ARHGAP17: variants seen among roughly 807,000 people sequenced by gnomAD.
ARHGAP17 encodes rho GTPase-activating protein 17.
Under a neutral mutation model 99.5 loss-of-function variants are expected in ARHGAP17, and 57 were observed. That is an observed-to-expected ratio of 0.57 (90% CI 0.46 to 0.71). ARHGAP17 has a LOEUF of 0.71. Among genes scored for constraint, ARHGAP17 ranks in the 30% least tolerant of loss-of-function variants. The pLI is 0.00. For synonymous variants in ARHGAP17, 417 were observed against 429.6 expected (o/e 0.97, Z 0.36); for missense variants, 1,000 against 1,122.4 (o/e 0.89, Z 1.56).
intron 1 of ARHGAP17, among the ~76,000 whole-genome samples, chr16:25,007,654 C>T (rs1418036583): frequency 6.6e-6 from 1 of 152,236 alleles, no homozygotes; most frequent in Non-Finnish European, 1.5e-5. Context: ...GCATGGGCCA[C>T]TGCACCCGGC....
At chr16:25,009,858 G>A (rs933866117) in intron 1 of ARHGAP17, among the ~76,000 whole-genome samples, 52 of 152,234 alleles carry the variant, frequency 3.4e-4, no homozygotes, top group Non-Finnish European at 5.0e-4. Context: ...AGAATGCAAT[G>A]AAATAAAAGT....
At position 24,959,912 on chromosome 16, in the gene ARHGAP17, G is replaced by A. The variant is rs746155178; in HGVS notation, c.641C>T (p.Thr214Met). The change falls in exon 8 of 20, where the codon ACG becomes ATG. Residue 214 changes from threonine (T) to methionine (M), a missense_variant and splice_region_variant. Thr to Met is a moderately conservative substitution (Grantham distance 81). Around this residue, in one of 2 missense-constraint regions of ARHGAP17, gnomAD observed 472 missense variants for 611.1 expected, o/e 0.77. Coordinates refer to ENST00000289968, the MANE Select transcript of ARHGAP17 (RefSeq NM_001006634.3). ...KEGEYGKFFV[T>M]LLEAQADYHR... ...ATTTTCTCAAGGGAAGGTGCTTACC[G>A]TAACAAAGAATTTGCCATACTCCCC... 2.1e-5 allele frequency: 34 copies of A among 1,613,774 alleles called. No individual in the cohort carries two copies. Among genetic ancestry groups the A allele is most frequent in the Non-Finnish European group, 2.5e-5 (30 of 1,179,874 alleles).
intron 1 of ARHGAP17, among the ~76,000 whole-genome samples, chr16:24,983,143 T>C (rs555716021): frequency 1.3e-5 from 2 of 149,906 alleles, no homozygotes; most frequent in South Asian, 4.2e-4. Flanking sequence ...TAGCTGAGAC[T>C]ACAGGCATAC....
At chr16:24,943,190 G>A (rs1419321018) in intron 15 of ARHGAP17, among the ~76,000 whole-genome samples, 2 of 152,226 alleles carry the variant, frequency 1.3e-5, no homozygotes, top group Non-Finnish European at 2.9e-5. Flanking sequence ...ATTGCCAGCA[G>A]GATGAAATAC....
intron 6 of ARHGAP17, among the ~76,000 whole-genome samples, chr16:24,967,761 A>C (rs1453040134): frequency 1.3e-5 from 2 of 149,630 alleles, no homozygotes; most frequent in East Asian, 3.9e-4. Context: ...CTGGTACAGC[A>C]GAGCAAGACC....
chr16:24,947,595 T>C lies in ARHGAP17; in HGVS notation c.1128A>G (p.Arg376=), dbSNP rs1232798755. 2 of 1,608,496 alleles carry C rather than the reference T, an allele frequency of 1.2e-6. No individual in the cohort carries two copies. The highest frequency in any genetic ancestry group is 1.7e-6 in the Non-Finnish European group (2 of 1,178,788). Residue 376 remains arginine, a splice_region_variant and synonymous_variant, in exon 14 of 20, where the codon AGA becomes AGG. Transcript: ENST00000289968. ...GCTTTGCAAGGAACTTGATCAAATA[T>C]CTAGGGGTCAAAAGAGAAGGGGAGG... The part of the protein sequence containing the change: ...KLPPQNFVNF[R]YLIKFLAKLA...
chr16:24,998,937 C>T (rs868455245), intron 1 of ARHGAP17, among the ~76,000 whole-genome samples: 8 of 152,110 alleles, frequency 5.3e-5, no homozygotes, highest in Non-Finnish European at 7.4e-5. Context: ...GGAGAGACCG[C>T]GGGCAGAGGT....
intron 3 of ARHGAP17, among the ~76,000 whole-genome samples, chr16:24,971,398 C>T (rs912166323): frequency 6.7e-6 from 1 of 149,760 alleles, no homozygotes; most frequent in East Asian, 2.0e-4. Context: ...GGGGCAATCT[C>T]GGCTCACTGC....
At chr16:24,984,398 G>C (rs903277850) in intron 1 of ARHGAP17, among the ~76,000 whole-genome samples, 2 of 152,144 alleles carry the variant, frequency 1.3e-5, no homozygotes, top group African/African-American at 4.8e-5. Context: ...CGGGCGCAGT[G>C]GCTCACGCCT....
At chr16:24,922,824 C>T (rs1009270244) in intron 19 of ARHGAP17, among the ~76,000 whole-genome samples, 1 of 151,922 alleles carries the variant, frequency 6.6e-6, no homozygotes, top group Non-Finnish European at 1.5e-5. Flanking sequence ...TACAAGCATA[C>T]GCCACCATGC....
At chr16:24,962,562 ATGGACC>A (rs955760743) in intron 7 of ARHGAP17, among the ~76,000 whole-genome samples, 2 of 152,220 alleles carry the variant, frequency 1.3e-5, no homozygotes, top group African/African-American at 4.8e-5. Context: ...TTAATTAAAA[ATGGACC>A]TGGACTGGTA....
chr16:25,010,005 C>A (rs969571320), intron 1 of ARHGAP17, among the ~76,000 whole-genome samples: 1 of 152,138 alleles, frequency 6.6e-6, no homozygotes, highest in South Asian at 2.1e-4. Context: ...GGAAGAGGCC[C>A]TGGACCCAAG....
intron 13 of ARHGAP17, 140 bp from the exon 14 acceptor site, chr16:24,947,735 G>T: frequency 1.5e-6 from 1 of 645,616 alleles, no homozygotes; most frequent in Non-Finnish European, 2.7e-6. Context: ...CTCAGGTGAA[G>T]CATTTTATAC....
chr16:25,002,920 T>C (rs148035086), intron 1 of ARHGAP17, among the ~76,000 whole-genome samples: 6,023 of 150,652 alleles, frequency 0.04, 339 homozygotes, highest in African/African-American at 0.12. Context: ...GCAACTGTAA[T>C]CCCAGCTACT....
At chr16:24,936,978 G>T (rs1169377402) in intron 17 of ARHGAP17, among the ~76,000 whole-genome samples, 2 of 151,506 alleles carry the variant, frequency 1.3e-5, no homozygotes, top group African/African-American at 4.9e-5. Context: ...AATTAGCTGG[G>T]CATGGGGATG....
intron 10 of ARHGAP17, among the ~76,000 whole-genome samples, chr16:24,953,573 T>C (rs1426812103): frequency 6.6e-6 from 1 of 152,182 alleles, no homozygotes; most frequent in Non-Finnish European, 1.5e-5. Context: ...TTCCACCACG[T>C]GAACACTGCC....
chr16:24,996,075 T>TA (rs1232824720), intron 1 of ARHGAP17, among the ~76,000 whole-genome samples: 1 of 151,934 alleles, frequency 6.6e-6, no homozygotes, highest in Non-Finnish European at 1.5e-5. Flanking sequence ...TTCTAAGACT[T>TA]AAAAAAAATT....
At chr16:24,985,108 T>C (rs990890052) in intron 1 of ARHGAP17, among the ~76,000 whole-genome samples, 1 of 152,158 alleles carries the variant, frequency 6.6e-6, no homozygotes, top group African/African-American at 2.4e-5. Context: ...CTGGGGACAT[T>C]TGTGGTTGTC....
Position 24,947,533 on chromosome 16 carries a change from C to T in ARHGAP17, c.1190G>A (p.Ser397Asn), listed in dbSNP as rs1030856729. The T allele has an allele frequency of 9.3e-6, 15 of 1,613,578 alleles. No individual in the cohort carries two copies. The highest frequency in any genetic ancestry group is 8.5e-6 in the Non-Finnish European group (10 of 1,180,030). Residue 397 changes from serine (S) to asparagine (N), a missense_variant, in exon 14 of 20, where the codon AGC becomes AAC. Around this residue, in one of 2 missense-constraint regions of ARHGAP17, gnomAD observed 472 missense variants for 611.1 expected, o/e 0.77. Coordinates refer to ENST00000289968, the MANE Select transcript of ARHGAP17 (RefSeq NM_001006634.3). ...QTSDVNKMTP[S>N]NIAIVLGPNL... ...AGGGCCTAACACAATCGCAATGTTG[C>T]TGGGAGTCATTTTATTCACATCGCT...
Sources: gnomAD v4.1 joint callset for allele counts (sites outside exome capture counted in the v4.1 genomes callset) on GRCh38, gnomAD v4.1.1 for gene constraint, gnomAD v4.1.1 regional missense constraint, MANE v1.5 for transcripts, NCBI Gene and HGNC (gene_info 2026-07-23, HGNC 2026-07-21) for gene names.